Variants in TRHDE observed in about 807,000 individuals in gnomAD.
TRHDE encodes thyrotropin releasing hormone degrading enzyme.
Under a neutral mutation model 125.7 loss-of-function variants are expected in TRHDE, and 72 were observed. The ratio of observed to expected loss-of-function variants is 0.57; its 90% confidence interval spans 0.47 to 0.70. The LOEUF is 0.70. TRHDE is among the 30% of genes least tolerant of loss of function. TRHDE has a pLI of 0.00. For synonymous variants in TRHDE, 509 were observed against 509.1 expected (o/e 1.00, Z 0.00); for missense variants, 1,110 against 1,327.1 (o/e 0.84, Z 2.54).
At chr12:72,366,612 TAA>T (rs1871349465) in intron 2 of TRHDE, among the ~76,000 whole-genome samples, 2 of 152,024 alleles carry the variant, frequency 1.3e-5, no homozygotes, top group South Asian at 4.1e-4. Flanking sequence ...TTAAGAAACT[TAA>T]AGTCTTGTAG....
At chr12:72,197,399 C>A (rs1442720952) in intron 2 of TRHDE, among the ~76,000 whole-genome samples, 1 of 152,130 alleles carries the variant, frequency 6.6e-6, no homozygotes, top group Non-Finnish European at 1.5e-5. Context: ...GACTCCTTCA[C>A]TAGAATGGTA....
intron 3 of TRHDE, among the ~76,000 whole-genome samples, chr12:72,463,963 T>G (rs1216010064): frequency 1.3e-5 from 2 of 152,312 alleles, no homozygotes; most frequent in Middle Eastern, 3.4e-3. Context: ...TCTCCCTGCA[T>G]GATGTTCTCA....
intron 3 of TRHDE, among the ~76,000 whole-genome samples, chr12:72,459,647 G>A (rs1386472382): frequency 6.6e-6 from 1 of 152,056 alleles, no homozygotes; most frequent in Admixed American, 6.6e-5. Context: ...TTTAGAGACA[G>A]GGTCTCACTC....
chr12:72,649,925 C>T (rs1163276371), intron 15 of TRHDE, among the ~76,000 whole-genome samples: 1 of 152,072 alleles, frequency 6.6e-6, no homozygotes, highest in Non-Finnish European at 1.5e-5. Context: ...TTCCATACTG[C>T]TTATGCGAAT....
chr12:72,295,097 C>A (rs114196165), intron 2 of TRHDE, among the ~76,000 whole-genome samples: 2,406 of 131,638 alleles, frequency 0.018, 65 homozygotes, highest in African/African-American at 0.064. Context: ...GTGACCGCAG[C>A]TGTGGTTTGG....
At chr12:72,097,248 A>C (rs1374927130) in intron 1 of TRHDE, among the ~76,000 whole-genome samples, 1 of 152,190 alleles carries the variant, frequency 6.6e-6, no homozygotes, top group Non-Finnish European at 1.5e-5. Flanking sequence ...AAAACTAAGA[A>C]GCTCAGTCTT....
rs1555206676 is a variant in TRHDE at position 72,669,141 on chromosome 12, T to G, written c.*5946T>G. The G allele has an allele frequency of 6.6e-6, 1 of 151,336 alleles. No individual in the cohort carries two copies. Among genetic ancestry groups the G allele is most frequent in the Non-Finnish European group, 1.5e-5 (1 of 67,696 alleles). The allele number at this position is 151,336 out of a possible 1,614,324, so 9.4% of individuals were successfully genotyped here. On this transcript the variant is annotated 3_prime_UTR_variant, in exon 19 of 19. Coordinates refer to ENST00000261180, the MANE Select transcript of TRHDE (RefSeq NM_013381.3). ...GAGACACACACACACATGAAAAAAA[T>G]AAGTGAAAAGACAGAATAAATTGCA...
intron 2 of TRHDE, among the ~76,000 whole-genome samples, chr12:72,362,408 T>C (rs1871139244): frequency 2.0e-5 from 3 of 150,668 alleles, no homozygotes; most frequent in African/African-American, 7.3e-5. Context: ...TTTGATGGGG[T>C]TGTTTGTTTT....
At chr12:72,361,522 C>G (rs897525298) in intron 2 of TRHDE, among the ~76,000 whole-genome samples, 1 of 150,796 alleles carries the variant, frequency 6.6e-6, no homozygotes, top group Non-Finnish European at 1.5e-5. Context: ...ATTCTTTGTA[C>G]TTTTCTATAT....
intron 3 of TRHDE, among the ~76,000 whole-genome samples, chr12:72,402,318 CA>C (rs1873078252): frequency 6.6e-6 from 1 of 151,890 alleles, no homozygotes; most frequent in South Asian, 2.1e-4. Flanking sequence ...AGAAAGTTTG[CA>C]AATTTGTGTT....
At chr12:72,126,529 G>C (rs991677736) in intron 2 of TRHDE, among the ~76,000 whole-genome samples, 5 of 152,164 alleles carry the variant, frequency 3.3e-5, no homozygotes, top group Non-Finnish European at 7.3e-5. Flanking sequence ...GAACAGAATA[G>C]AGAATGCAGA....
At chr12:72,308,965 T>C (rs1394812326) in intron 2 of TRHDE, among the ~76,000 whole-genome samples, 2 of 152,180 alleles carry the variant, frequency 1.3e-5, no homozygotes, top group Non-Finnish European at 2.9e-5. Context: ...TTTTTAATGT[T>C]AGAACTCTTG....
chr12:72,177,129 T>C (rs1330108490), intron 2 of TRHDE, among the ~76,000 whole-genome samples: 2 of 152,250 alleles, frequency 1.3e-5, no homozygotes, highest in Non-Finnish European at 2.9e-5. Context: ...AAAGGTTTTT[T>C]TTTTTATTGG....
At chr12:72,438,707 T>A (rs1375407911) in intron 3 of TRHDE, among the ~76,000 whole-genome samples, 1 of 151,910 alleles carries the variant, frequency 6.6e-6, no homozygotes, top group Non-Finnish European at 1.5e-5. Flanking sequence ...TTTGCAAATA[T>A]TTTTGCAAAA....
intron 2 of TRHDE, among the ~76,000 whole-genome samples, chr12:72,153,914 G>A (rs1205661041): frequency 5.3e-5 from 8 of 152,248 alleles, no homozygotes; most frequent in South Asian, 2.1e-4. Context: ...TATTAGGTCC[G>A]CTTGGTGCAG....
At chr12:72,426,327 G>A (rs1390006192) in intron 3 of TRHDE, among the ~76,000 whole-genome samples, 1 of 151,998 alleles carries the variant, frequency 6.6e-6, no homozygotes, top group Non-Finnish European at 1.5e-5. Context: ...TATTCTACAT[G>A]TTTATAAATT....
chr12:72,519,411 A>AT (rs1420686029), intron 6 of TRHDE, among the ~76,000 whole-genome samples: 73 of 152,168 alleles, frequency 4.8e-4, no homozygotes, highest in Non-Finnish European at 8.8e-4. Context: ...TCCATCGCTG[A>AT]ACCCTTTCTT....
chr12:72,412,501 A>G (rs1873554730), intron 3 of TRHDE, among the ~76,000 whole-genome samples: 1 of 152,106 alleles, frequency 6.6e-6, no homozygotes, highest in Non-Finnish European at 1.5e-5. Flanking sequence ...AAGGTTTGTC[A>G]TTATCTAGTA....
At chr12:72,490,292 C>G (rs1032466181) in intron 5 of TRHDE, among the ~76,000 whole-genome samples, 3 of 151,648 alleles carry the variant, frequency 2.0e-5, no homozygotes, top group African/African-American at 7.3e-5. Flanking sequence ...CCACTGCATA[C>G]CTGCTAGGAT....
Sources: gnomAD v4.1 joint callset for allele counts (sites outside exome capture counted in the v4.1 genomes callset) on GRCh38, gnomAD v4.1.1 for gene constraint, MANE v1.5 for transcripts, NCBI Gene and HGNC (gene_info 2026-07-23, HGNC 2026-07-21) for gene names.